Variants in EOGT observed in about 807,000 individuals in gnomAD.
EOGT encodes the protein EGF domain-specific O-linked N-acetylglucosamine transferase.
In EOGT, 55 loss-of-function variants were observed where a neutral mutation model predicts 70.5. That is an observed-to-expected ratio of 0.78 (90% CI 0.63 to 0.98). The LOEUF (loss-of-function observed/expected upper bound fraction) is 0.98. EOGT is among the 50% of genes least tolerant of loss of function. The probability of loss-of-function intolerance (pLI) is 0.00; values close to 1 mark genes in which losing one functional copy is unlikely to be tolerated. For synonymous variants in EOGT, 246 were observed against 217.1 expected (o/e 1.13, Z -1.17); for missense variants, 703 against 641.9 (o/e 1.10, Z -1.03).
At chr3:68,989,417 T>G (rs200505729) in intron 10 of EOGT, among the ~76,000 whole-genome samples, 1 of 147,734 alleles carries the variant, frequency 6.8e-6, no homozygotes, top group Non-Finnish European at 1.5e-5. Flanking sequence ...ATGAAAAATC[T>G]TTGGAAAAAA....
Position 68,988,333 on chromosome 3 carries a change from C to G in EOGT, c.1045G>C (p.Val349Leu), listed in dbSNP as rs1450351816. The change falls in exon 13 of 18, where the codon GTA (valine) becomes CTA (leucine). Residue 349 changes from valine to leucine, a missense_variant. By Grantham distance (32) the Val-to-Leu change is conservative. Coordinates refer to ENST00000383701, the MANE Select transcript of EOGT (RefSeq NM_001278689.2). ...TGLFRAFAQH[V>L]LHRLNITQEG... is the part of the protein sequence containing the mutation. ...TGTGTGATGTTTAGTCTGTGTAGTA[C>G]ATGCTGGGCAAATGCCCTGAATAGT... 6.5e-7 allele frequency: 1 copy of G among 1,536,098 alleles called. No homozygotes were observed. The highest frequency in any genetic ancestry group is 8.7e-7 in the Non-Finnish European group (1 of 1,146,858).
intron 9 of EOGT, among the ~76,000 whole-genome samples, chr3:68,998,430 C>G (rs918149658): frequency 1.3e-5 from 2 of 152,170 alleles, no homozygotes; most frequent in Non-Finnish European, 2.9e-5. Flanking sequence ...TAACTCAAAA[C>G]TGAGTAGAAC....
intron 4 of EOGT, 148 bp downstream of exon 4, chr3:69,009,489 T>C: frequency 1.6e-6 from 1 of 615,018 alleles, no homozygotes; most frequent in Non-Finnish European, 2.8e-6. Flanking sequence ...TTTAGTCACT[T>C]AGAAGTATTA....
intron 7 of EOGT, 27 bp downstream of exon 7, chr3:69,005,113 A>G: frequency 8.5e-7 from 1 of 1,179,636 alleles, no homozygotes; most frequent in Non-Finnish European, 1.2e-6. Flanking sequence ...AATTTATACT[A>G]GATGTTAACA....
chr3:68,993,357 C>G (rs2091051346), intron 10 of EOGT, among the ~76,000 whole-genome samples: 2 of 152,144 alleles, frequency 1.3e-5, no homozygotes. Context: ...CAAAGTTCCA[C>G]AAATCTCTAG....
chr3:68,981,833 T>A (rs2090651457), intron 15 of EOGT, among the ~76,000 whole-genome samples: 1 of 142,406 alleles, frequency 7.0e-6, no homozygotes, highest in Admixed American at 6.8e-5. Context: ...TTTGATAACT[T>A]TTTTGTTATC....
chr3:68,998,912 G>A (rs1295928492), intron 9 of EOGT, among the ~76,000 whole-genome samples: 1 of 151,028 alleles, frequency 6.6e-6, no homozygotes, highest in Non-Finnish European at 1.5e-5. Context: ...GGCAATGATG[G>A]CAACTAACAT....
chr3:69,007,431 TC>T (rs1213904120), intron 6 of EOGT, among the ~76,000 whole-genome samples: 1 of 146,928 alleles, frequency 6.8e-6, no homozygotes, highest in Non-Finnish European at 1.5e-5. Context: ...GGTGGGTGGA[TC>T]CCTTGAGGTC....
At chr3:68,980,460 T>G (rs897829896) in intron 15 of EOGT, among the ~76,000 whole-genome samples, 1 of 152,208 alleles carries the variant, frequency 6.6e-6, no homozygotes. Flanking sequence ...GTGTAAACTT[T>G]GAACCAAAAA....
At chr3:68,991,404 A>C (rs1305672922) in intron 10 of EOGT, among the ~76,000 whole-genome samples, 1 of 152,248 alleles carries the variant, frequency 6.6e-6, no homozygotes, top group Non-Finnish European at 1.5e-5. Flanking sequence ...GGTATATTGA[A>C]AGGACATATG....
In EOGT at chr3:68,997,893, T is replaced by C. The variant is rs1003988755; in HGVS notation, c.831+118A>G. The C allele has an allele frequency of 9.3e-6, 6 of 645,364 alleles. No homozygotes were observed. In the East Asian group the frequency reaches 1.6e-4, roughly 18 times the overall value. 40.0% of individuals were successfully genotyped at this position (645,364 alleles called of 1,614,324 possible). A position where few individuals can be genotyped will look rare whatever the true frequency, so the allele number is the denominator to read the frequency against. Reference sequence around the variant, plus strand: ...GATACATTCGCACCCATCCGCATTATGTGCGGCTGTACATGTTGAAATATA... The same window carrying C: ...GATACATTCGCACCCATCCGCATTACGTGCGGCTGTACATGTTGAAATATA... On this transcript the variant is annotated intron_variant, in intron 10 of 17. Coordinates refer to ENST00000383701, the MANE Select transcript of EOGT (RefSeq NM_001278689.2).
At chr3:69,009,930 CAACAA>C (rs769614782) in intron 3 of EOGT, 70 bp from the exon 4 acceptor site, 40 of 467,012 alleles carry the variant, frequency 8.6e-5, no homozygotes, top group East Asian at 3.1e-4. Flanking sequence ...ACAACAACAA[CAACAA>C]AAAAAAAAAA....
chr3:68,998,978 T>G (rs954821283), intron 9 of EOGT, among the ~76,000 whole-genome samples: 1 of 152,182 alleles, frequency 6.6e-6, no homozygotes, highest in African/African-American at 2.4e-5. Flanking sequence ...ACATGTATCA[T>G]TCCTGGAAAA....
At chr3:68,983,589 C>G (rs1225102014) in intron 14 of EOGT, among the ~76,000 whole-genome samples, 2 of 152,196 alleles carry the variant, frequency 1.3e-5, no homozygotes. Flanking sequence ...TCAACAGTTG[C>G]AAGTATCATT....
At chr3:68,992,893 C>G (rs1006594475) in intron 10 of EOGT, among the ~76,000 whole-genome samples, 1 of 152,216 alleles carries the variant, frequency 6.6e-6, no homozygotes, top group African/African-American at 2.4e-5. Flanking sequence ...GGGCTTCCAC[C>G]CTCTGAAGCC....
At chr3:69,002,661 CT>C (rs34786432) in intron 8 of EOGT, among the ~76,000 whole-genome samples, 33 of 144,776 alleles carry the variant, frequency 2.3e-4, no homozygotes, top group Non-Finnish European at 2.7e-4. Context: ...GCATGAATTT[CT>C]TTTTTTTTTT....
intron 8 of EOGT, among the ~76,000 whole-genome samples, chr3:69,002,725 G>C (rs2091331189): frequency 6.6e-6 from 1 of 151,668 alleles, no homozygotes; most frequent in Admixed American, 6.6e-5. Flanking sequence ...TGCAATCATA[G>C]CTCACTGCAG....
At chr3:69,004,644 C>T (rs1482353321) in intron 7 of EOGT, among the ~76,000 whole-genome samples, 162 bp from the exon 8 acceptor site, 1 of 152,110 alleles carries the variant, frequency 6.6e-6, no homozygotes, top group Non-Finnish European at 1.5e-5. Context: ...GTAACAGAAT[C>T]CTATCAGGAC....
At chr3:68,981,598 G>GTAA (rs2090641725) in intron 15 of EOGT, among the ~76,000 whole-genome samples, 1 of 152,288 alleles carries the variant, frequency 6.6e-6, no homozygotes, top group African/African-American at 2.4e-5. Context: ...CCAGGAAGAT[G>GTAA]TAATTCTAGC....
Sources: gnomAD v4.1 joint callset for allele counts (sites outside exome capture counted in the v4.1 genomes callset) on GRCh38, gnomAD v4.1.1 for gene constraint, MANE v1.5 for transcripts, NCBI Gene and HGNC (gene_info 2026-07-23, HGNC 2026-07-21) for gene names.